The following SNX9 variants were observed in gnomAD, a reference collection of about 807,000 sequenced individuals.
SNX9 encodes the protein sorting nexin 9.
Under a neutral mutation model 89.4 loss-of-function variants are expected in SNX9, and 44 were observed. The ratio of observed to expected loss-of-function variants is 0.49; its 90% CI spans 0.39 to 0.63. The LOEUF is 0.63. SNX9 is among the 30% of genes least tolerant of loss of function. The probability of loss-of-function intolerance (pLI) is 0.00; values close to 1 mark genes in which losing one functional copy is unlikely to be tolerated. For missense variants in SNX9, 578 were observed against 736.1 expected (o/e 0.79, Z 2.49); for synonymous variants, 236 against 247.8 (o/e 0.95, Z 0.45).
At chr6:157,891,348 G>A (rs145072622) in intron 4 of SNX9, among the ~76,000 whole-genome samples, 22 of 152,002 alleles carry the variant, frequency 1.4e-4, no homozygotes, top group African/African-American at 4.8e-4. Flanking sequence ...TTTTTCTGTA[G>A]TCACATGCTG....
At chr6:157,871,553 A>G (rs1782412365) in intron 2 of SNX9, among the ~76,000 whole-genome samples, 1 of 152,116 alleles carries the variant, frequency 6.6e-6, no homozygotes, top group Non-Finnish European at 1.5e-5. Flanking sequence ...GGGGAGGGAT[A>G]GCATTAGGAG....
intron 10 of SNX9, among the ~76,000 whole-genome samples, chr6:157,925,267 G>A (rs937599975): frequency 4.6e-5 from 7 of 152,096 alleles, no homozygotes; most frequent in African/African-American, 1.2e-4. Context: ...AATCTCATTA[G>A]CAATCAATAA....
chr6:157,940,787 TC>T (rs1784020682), intron 16 of SNX9, 95 bp from the exon 17 acceptor site: 3 of 1,083,080 alleles, frequency 2.8e-6, no homozygotes, highest in Non-Finnish European at 4.2e-6. Context: ...CCAGATTAGG[TC>T]AGGTTGATGA....
intron 11 of SNX9, among the ~76,000 whole-genome samples, chr6:157,927,718 CTTTTTTTTTTTT>C (rs761592456): frequency 1.2e-4 from 12 of 98,750 alleles, no homozygotes; most frequent in Non-Finnish European, 1.8e-4. Flanking sequence ...TAATTTTAAG[CTTTTTTTTTTTT>C]TTTTTTTTTT....
intron 1 of SNX9, among the ~76,000 whole-genome samples, chr6:157,862,976 T>A (rs1373703914): frequency 6.6e-6 from 1 of 152,188 alleles, no homozygotes; most frequent in Non-Finnish European, 1.5e-5. Context: ...ATGGGGAGAA[T>A]GAGTGTCAAG....
In SNX9 at chr6:157,928,448, C is replaced by T. The variant is rs535926092; in HGVS notation, c.1185-151C>T. On this transcript the variant is annotated intron_variant, in intron 11 of 17. Coordinates refer to ENST00000392185, the MANE Select transcript of SNX9 (RefSeq NM_016224.5). ...GCTTTTTAAGTAGTTCTTTAAATGTCTGCATCAAGCCTGTATTTAAGGCTA... is the reference window on the plus strand; with the variant it reads ...GCTTTTTAAGTAGTTCTTTAAATGTTTGCATCAAGCCTGTATTTAAGGCTA... 53 of 563,648 alleles carry T rather than the reference C, an allele frequency of 9.4e-5. No homozygotes were observed. The East Asian group carries it at 1.5e-3, about 16-fold the overall frequency. The allele number at this position is 563,648 out of a possible 1,614,324, so 34.9% of individuals were successfully genotyped here. A position where few individuals can be genotyped will look rare whatever the true frequency, so the allele number is the denominator to read the frequency against.
chr6:157,904,412 C>T (rs9347750), intron 6 of SNX9, among the ~76,000 whole-genome samples: 37,386 of 151,244 alleles, frequency 0.25, 4,853 homozygotes, highest in African/African-American at 0.33. Flanking sequence ...CCAGCTTGGG[C>T]GACACAGAGA....
intron 7 of SNX9, among the ~76,000 whole-genome samples, chr6:157,907,657 A>G (rs1783245641): frequency 6.6e-6 from 1 of 152,184 alleles, no homozygotes; most frequent in African/African-American, 2.4e-5. Flanking sequence ...CCAGCCTTTC[A>G]TTGACCGGCA....
chr6:157,937,340 A>T lies in SNX9; in HGVS notation c.1444-94A>T, dbSNP rs1259914673. On this transcript the variant is annotated intron_variant, in intron 14 of 17. Coordinates refer to ENST00000392185, the MANE Select transcript of SNX9 (RefSeq NM_016224.5). ...AACACTCAATAATTTAGTGTAGCAC[A>T]TGCAGGATTTATAGTCTTTGGGTAT... The T allele has an allele frequency of 4.9e-6, 4 of 824,650 alleles. No individual in the cohort carries two copies. The East Asian group carries it at 7.5e-5, about 15-fold the overall frequency. 51.1% of individuals were successfully genotyped at this position (824,650 alleles called of 1,614,324 possible). A position where few individuals can be genotyped will look rare whatever the true frequency, so the allele number is the denominator to read the frequency against.
At chr6:157,838,831 G>T (rs766519257) in intron 1 of SNX9, among the ~76,000 whole-genome samples, 26 of 152,194 alleles carry the variant, frequency 1.7e-4, no homozygotes, top group Non-Finnish European at 3.7e-4. Context: ...AATTTTATCT[G>T]GCACTGGTTA....
At chr6:157,873,552 T>C (rs1308848424) in intron 3 of SNX9, among the ~76,000 whole-genome samples, 2 of 147,580 alleles carry the variant, frequency 1.4e-5, no homozygotes, top group Admixed American at 1.4e-4. Flanking sequence ...TGTTAATATA[T>C]ACATTTTAAA....
At chr6:157,843,167 C>T (rs1387710113) in intron 1 of SNX9, among the ~76,000 whole-genome samples, 1 of 152,024 alleles carries the variant, frequency 6.6e-6, no homozygotes, top group Non-Finnish European at 1.5e-5. Context: ...TTAGGTGGTG[C>T]CAGCAATGGG....
chr6:157,828,820 C>A (rs1047735316), intron 1 of SNX9, among the ~76,000 whole-genome samples: 1 of 152,156 alleles, frequency 6.6e-6, no homozygotes, highest in Non-Finnish European at 1.5e-5. Context: ...CCCGGGAAAG[C>A]CTTTCCTGAT....
intron 16 of SNX9, among the ~76,000 whole-genome samples, chr6:157,939,434 A>AT (rs1178975832): frequency 2.0e-5 from 3 of 152,196 alleles, no homozygotes; most frequent in Non-Finnish European, 2.9e-5. Flanking sequence ...AGTAAAAAAA[A>AT]ATCAATCCTC....
chr6:157,835,825 C>T (rs1011674368), intron 1 of SNX9, among the ~76,000 whole-genome samples: 2 of 152,162 alleles, frequency 1.3e-5, no homozygotes, highest in Non-Finnish European at 2.9e-5. Flanking sequence ...TCAATTAAAC[C>T]TCTTTCCTGT....
chr6:157,928,493 G>A (rs1220379530), intron 11 of SNX9, 106 bp from the exon 12 acceptor site: 6 of 825,552 alleles, frequency 7.3e-6, no homozygotes, highest in Non-Finnish European at 1.2e-5. Flanking sequence ...AAGGGGAGTT[G>A]TTATCATGCA....
At chr6:157,941,477 A>G (rs186214536) in intron 17 of SNX9, among the ~76,000 whole-genome samples, 9 of 152,394 alleles carry the variant, frequency 5.9e-5, no homozygotes, top group Admixed American at 2.0e-4. Flanking sequence ...TCACAAAACA[A>G]TAACGAAAAC....
intron 4 of SNX9, among the ~76,000 whole-genome samples, chr6:157,888,586 C>T (rs1393165784): frequency 6.6e-6 from 1 of 152,172 alleles, no homozygotes; most frequent in Non-Finnish European, 1.5e-5. Flanking sequence ...TATTTTGGCT[C>T]AGATTGGTTG....
At chr6:157,846,314 G>A (rs1413112152) in intron 1 of SNX9, among the ~76,000 whole-genome samples, 3 of 152,158 alleles carry the variant, frequency 2.0e-5, no homozygotes, top group Non-Finnish European at 1.5e-5. Flanking sequence ...CTACATTTGT[G>A]CTGCATTAAA....
Sources: gnomAD v4.1 joint callset for allele counts (sites outside exome capture counted in the v4.1 genomes callset) on GRCh38, gnomAD v4.1.1 for gene constraint, MANE v1.5 for transcripts, NCBI Gene and HGNC (gene_info 2026-07-23, HGNC 2026-07-21) for gene names.